Variants in TRPM7 observed in about 807,000 individuals in gnomAD.
The protein encoded by TRPM7 is transient receptor potential cation channel subfamily M member 7.
A neutral mutation model predicts 229.7 loss-of-function variants in TRPM7; 134 were observed. The observed-to-expected ratio is 0.58, with a 90% CI of 0.51 to 0.67. The LOEUF is 0.67. Ranked by LOEUF, TRPM7 falls within the 30% of genes least tolerant of loss-of-function variation. The probability of loss-of-function intolerance (pLI) is 0.00; values close to 1 mark genes in which losing one functional copy is unlikely to be tolerated. For synonymous variants in TRPM7, 699 were observed against 715.2 expected, an observed-to-expected ratio of 0.98 and a Z score of 0.36; for missense variants, 1,901 against 2,210.0, an observed-to-expected ratio of 0.86 and a Z score of 2.80.
intron 22 of TRPM7, among the ~76,000 whole-genome samples, chr15:50,598,118 C>T (rs1347380701): frequency 6.6e-6 from 1 of 152,052 alleles, no homozygotes. Flanking sequence ...AACCCTTGAC[C>T]TAATCACCCA....
chr15:50,604,844 T>C (rs1443883009), intron 21 of TRPM7, 22 bp downstream of exon 21: 1 of 1,533,260 alleles, frequency 6.5e-7, no homozygotes, highest in East Asian at 2.3e-5. Context: ...CCACGAGTAT[T>C]ATCAAACATC....
At chr15:50,634,267 G>T (rs1428252238) in intron 8 of TRPM7, 115 bp downstream of exon 8, 2 of 782,070 alleles carry the variant, frequency 2.6e-6, no homozygotes, top group Non-Finnish European at 3.6e-6. Context: ...GTTGTAGTAA[G>T]CCAAGATTGC....
Position 50,589,650 on chromosome 15 carries a change from CTG to C in TRPM7, c.4329_4330del (p.His1443GlnfsTer3). 1 of 1,588,642 alleles carries C rather than the reference CTG, an allele frequency of 6.3e-7. No homozygotes were observed. The highest frequency in any genetic ancestry group is 8.6e-7 in the Non-Finnish European group (1 of 1,166,526). On this transcript the variant is annotated frameshift_variant, in exon 27 of 39. Coordinates refer to ENST00000646667, the MANE Select transcript of TRPM7 (RefSeq NM_017672.6). LOFTEE classifies it high-confidence loss of function. Reference sequence around the variant, plus strand: ...AAACCTCTGTAAATCCATGCTATCTCTGTGTCCTTTAATAGAAAAAAAGATGT... The same window carrying C: ...AAACCTCTGTAAATCCATGCTATCTCTGTCCTTTAATAGAAAAAAAGATGT...
intron 22 of TRPM7, among the ~76,000 whole-genome samples, chr15:50,597,504 A>G (rs995107147): frequency 5.9e-5 from 9 of 152,264 alleles, no homozygotes; most frequent in Admixed American, 4.6e-4. Flanking sequence ...ATCTATTTCC[A>G]TTCTATTCAG....
intron 1 of TRPM7, among the ~76,000 whole-genome samples, chr15:50,677,951 A>G (rs2062133461): frequency 6.6e-6 from 1 of 151,770 alleles, no homozygotes; most frequent in Non-Finnish European, 1.5e-5. Flanking sequence ...CTAAAGACCT[A>G]GAAATTGGCT....
At chr15:50,644,921 A>G (rs2061218423) in intron 4 of TRPM7, among the ~76,000 whole-genome samples, 2 of 148,728 alleles carry the variant, frequency 1.3e-5, no homozygotes, top group Admixed American at 6.8e-5. Context: ...TGTTTTTTTT[A>G]GACACGGTCA....
At chr15:50,615,561 A>G (rs1302440615) in intron 13 of TRPM7, among the ~76,000 whole-genome samples, 1 of 152,144 alleles carries the variant, frequency 6.6e-6, no homozygotes, top group African/African-American at 2.4e-5. Flanking sequence ...TGTATTTTTT[A>G]ACTAATTCTG....
chr15:50,606,840 AG>A (rs1369617390), intron 20 of TRPM7, among the ~76,000 whole-genome samples: 1 of 152,226 alleles, frequency 6.6e-6, no homozygotes, highest in Non-Finnish European at 1.5e-5. Flanking sequence ...TGGCTAAATC[AG>A]GTAGGTAAAT....
At chr15:50,679,521 TA>T (rs1168130908) in intron 1 of TRPM7, among the ~76,000 whole-genome samples, 13 of 22,208 alleles carry the variant, frequency 5.9e-4, no homozygotes, top group African/African-American at 1.5e-3. Context: ...AATATATATA[TA>T]TATATATATA....
At chr15:50,632,744 G>A in intron 9 of TRPM7, 125 bp downstream of exon 9, 1 of 919,684 alleles carries the variant, frequency 1.1e-6, no homozygotes, top group South Asian at 2.2e-5. Flanking sequence ...TATTTTTATG[G>A]TTAATAAAGA....
At chr15:50,686,159 C>A (rs902628715) in intron 1 of TRPM7, among the ~76,000 whole-genome samples, 15 of 152,206 alleles carry the variant, frequency 9.9e-5, no homozygotes, top group Non-Finnish European at 1.8e-4. Flanking sequence ...CCAGGAGGAC[C>A]GTGCTCCCAG....
intron 7 of TRPM7, 106 bp downstream of exon 7, chr15:50,637,316 G>A (rs191523602): frequency 2.0e-6 from 2 of 999,042 alleles, no homozygotes; most frequent in African/African-American, 3.3e-5. Context: ...ATGTTATCTT[G>A]CTATGTAAGA....
At chr15:50,604,241 G>A (rs909079526) in intron 21 of TRPM7, 1 of 152,184 alleles carries the variant, frequency 6.6e-6, no homozygotes, top group East Asian at 1.9e-4. Context: ...TACTGTATTA[G>A]GAAAAGATTA....
chr15:50,570,803 C>A (rs1404904489), intron 36 of TRPM7, among the ~76,000 whole-genome samples: 3 of 149,602 alleles, frequency 2.0e-5, no homozygotes, highest in Admixed American at 2.0e-4. Context: ...TGCAGTGAGC[C>A]AAAATCGTAC....
intron 21 of TRPM7, among the ~76,000 whole-genome samples, chr15:50,602,693 C>G (rs2059812843): frequency 6.6e-6 from 1 of 152,126 alleles, no homozygotes; most frequent in African/African-American, 2.4e-5. Flanking sequence ...TTTGTAGCCC[C>G]AGCTTAGTTT....
rs148656351 is a variant in TRPM7, at chr15:50,572,750, T to C, written c.5308+1524A>G. On this transcript the variant is annotated intron_variant, in intron 36 of 38. Transcript: ENST00000646667. ...AAGGTATGAACTACTGAAAAAAGTA[T>C]AGTTGTTTTTACATAGATTTTCATT... Among the ~76,000 whole-genome samples the C allele has an allele frequency of 4.4e-3, 674 of 152,346 alleles. 7 individuals carry two copies. Among genetic ancestry groups the C allele is most frequent in the African/African-American group, 0.015 (630 of 41,578 alleles).
chr15:50,664,359 T>C (rs1260564896), intron 1 of TRPM7, among the ~76,000 whole-genome samples: 1 of 147,970 alleles, frequency 6.8e-6, no homozygotes, highest in African/African-American at 2.5e-5. Context: ...AAAACCCAGC[T>C]ACATTCCATT....
At chr15:50,575,990 T>C (rs1279880168) in intron 31 of TRPM7, 71 bp from the exon 32 acceptor site, 14 of 1,449,590 alleles carry the variant, frequency 9.7e-6, no homozygotes, top group Non-Finnish European at 1.2e-5. Flanking sequence ...ACCCGGATAA[T>C]CTCATAAAAT....
intron 30 of TRPM7, among the ~76,000 whole-genome samples, chr15:50,579,522 A>C (rs1196344766): frequency 1.3e-5 from 2 of 152,202 alleles, no homozygotes. Flanking sequence ...GCTGCCAATC[A>C]GCTCCACCTT....
Sources: gnomAD v4.1 joint callset for allele counts (sites outside exome capture counted in the v4.1 genomes callset) on GRCh38, gnomAD v4.1.1 for gene constraint, MANE v1.5 for transcripts, NCBI Gene and HGNC (gene_info 2026-07-23, HGNC 2026-07-21) for gene names.